SMC3: variants seen among roughly 807,000 people sequenced by gnomAD.
SMC3 encodes structural maintenance of chromosomes 3, also known as structural maintenance of chromosomes protein 3.
In SMC3, 20 loss-of-function variants were observed where a neutral mutation model predicts 171.8. The observed-to-expected ratio is 0.12, with a 90% CI of 0.08 to 0.17. The LOEUF (loss-of-function observed/expected upper bound fraction) is 0.17, where lower values mean the gene tolerates loss of function less well. Among genes scored for constraint, SMC3 ranks in the 10% least tolerant of loss-of-function variants. SMC3 has a pLI of 1.00. For synonymous variants in SMC3, 464 were observed against 451.1 expected, an observed-to-expected ratio of 1.03 and a Z score of -0.36; for missense variants, 543 against 1,420.4, an observed-to-expected ratio of 0.38 and a Z score of 9.93.
At chr10:110,598,118 A>C (rs907965402) in intron 19 of SMC3, 21 bp from the exon 20 acceptor site, 2 of 1,610,836 alleles carry the variant, frequency 1.2e-6, no homozygotes, top group East Asian at 4.5e-5. Context: ...CCTGGAGATA[A>C]TTTTCCTTAG....
chr10:110,576,569 T>C (rs543773270), intron 4 of SMC3, among the ~76,000 whole-genome samples: 1 of 152,336 alleles, frequency 6.6e-6, no homozygotes, highest in African/African-American at 2.4e-5. Context: ...TATTAAAGAC[T>C]AGAAAATGAA....
chr10:110,596,351 T>G (rs78092416), intron 18 of SMC3, 47 bp from the exon 19 acceptor site: 1 of 1,528,742 alleles, frequency 6.5e-7, no homozygotes, highest in African/African-American at 1.4e-5. Context: ...CAATTTATCA[T>G]TGAATAAAAA....
At chr10:110,596,607 G>A in intron 19 of SMC3, 57 bp downstream of exon 19, 1 of 1,527,818 alleles carries the variant, frequency 6.5e-7, no homozygotes, top group Non-Finnish European at 9.0e-7. Flanking sequence ...CTGTGTTTTG[G>A]TTGCCATATA....
At position 110,587,737 on chromosome 10, in the gene SMC3, AAC is replaced by A. The variant is rs762806929; in HGVS notation, c.1306-1864_1306-1863del. ...ATTGTAAGCTGTAATGCTAGTTAAT[AAC>A]ACAACAGTCTGAATTGTTTAGGACT... On this transcript the variant is annotated intron_variant, in intron 13 of 28. Transcript: ENST00000361804. 2.0e-5 allele frequency among the ~76,000 whole-genome samples: 3 copies of A among 152,306 alleles called. No individual in the cohort carries two copies. The South Asian group carries it at 6.2e-4, about 32-fold the overall frequency.
chr10:110,604,111 A>AC (rs944098896), intron 28 of SMC3, 120 bp from the exon 29 acceptor site: 1 of 542,864 alleles, frequency 1.8e-6, no homozygotes, highest in Non-Finnish European at 3.3e-6. Flanking sequence ...AAAAAAAAAA[A>AC]AAAAAACTAA....
At chr10:110,582,193 A>G in intron 9 of SMC3, 95 bp downstream of exon 9, 1 of 1,135,952 alleles carries the variant, frequency 8.8e-7, no homozygotes, top group Non-Finnish European at 1.3e-6. Context: ...AGTGATTTTA[A>G]ATAGAAACTT....
intron 13 of SMC3, among the ~76,000 whole-genome samples, chr10:110,589,315 T>G (rs1861172856): frequency 6.6e-6 from 1 of 152,212 alleles, no homozygotes; most frequent in South Asian, 2.1e-4. Context: ...ATTGTACATA[T>G]TTAGTGTACA....
At chr10:110,604,105 A>AC in intron 28 of SMC3, 126 bp from the exon 29 acceptor site, 1 of 512,050 alleles carries the variant, frequency 2.0e-6, no homozygotes, top group Non-Finnish European at 3.5e-6. Flanking sequence ...AAAAAAAAAA[A>AC]AAAAAAAAAA....
intron 18 of SMC3, among the ~76,000 whole-genome samples, chr10:110,594,817 G>A (rs1861271650): frequency 6.6e-6 from 1 of 152,066 alleles, no homozygotes; most frequent in African/African-American, 2.4e-5. Context: ...ATTTAAGCAT[G>A]CATCTCCTAA....
chr10:110,592,263 CAA>C (rs58488395), intron 17 of SMC3, among the ~76,000 whole-genome samples: 144 of 144,386 alleles, frequency 1.0e-3, no homozygotes, highest in Non-Finnish European at 1.0e-3. Flanking sequence ...GACTCCATCT[CAA>C]AAAAAAAAAA....
chr10:110,594,013 A>G (rs921900062), intron 18 of SMC3, among the ~76,000 whole-genome samples: 4 of 152,128 alleles, frequency 2.6e-5, no homozygotes, highest in Admixed American at 2.0e-4. Flanking sequence ...TTTATTTTCA[A>G]TTATTTTATA....
intron 6 of SMC3, 110 bp downstream of exon 6, chr10:110,578,024 T>A: frequency 1.3e-6 from 1 of 744,740 alleles, no homozygotes; most frequent in Non-Finnish European, 2.4e-6. Context: ...ATGATCCACC[T>A]CGGCTTCCTA....
intron 20 of SMC3, among the ~76,000 whole-genome samples, chr10:110,599,006 C>A (rs11195211): frequency 0.12 from 17,567 of 150,572 alleles, 1,189 homozygotes; most frequent in East Asian, 0.26. Context: ...TTTGACAAAT[C>A]TTTTACTTAG....
intron 17 of SMC3, 138 bp downstream of exon 17, chr10:110,591,270 A>T: frequency 1.1e-6 from 1 of 876,120 alleles, no homozygotes; most frequent in South Asian, 1.6e-5. Flanking sequence ...CTTCCCATGG[A>T]CCTTAGTGCT....
Position 110,567,712 on chromosome 10 carries a change from G to A in SMC3, c.-105G>A, listed in dbSNP as rs536068700. On this transcript the variant is annotated 5_prime_UTR_variant, in exon 1 of 29. Coordinates refer to ENST00000361804, the MANE Select transcript of SMC3 (RefSeq NM_005445.4). ...GCCATTTTGTTTGGCTGAGGGGAGC[G>A]AGCGGCGCTTTGGGGGAGGGGTCGC... 4.0e-5 allele frequency: 56 copies of A among 1,406,354 alleles called. No individual in the cohort carries two copies. The African/African-American group carries it at 7.3e-4, about 18-fold the overall frequency. The allele number at this position is 1,406,354 out of a possible 1,614,324, so 87.1% of individuals were successfully genotyped here.
chr10:110,570,739 CAGTT>C lies in SMC3; in HGVS notation c.91+1731_91+1734del, dbSNP rs533078198. On this transcript the variant is annotated intron_variant, in intron 2 of 28. Transcript: ENST00000361804. The stretch of plus-strand genomic sequence containing the variant: ...CAAATACCATTGTTTTAGCTGTTAT[CAGTT>C]AGTTGTGTTACCTCTGTGATTGCAG... 6.6e-3 allele frequency among the ~76,000 whole-genome samples: 1,008 copies of C among 152,234 alleles called. 5 individuals carry two copies. The highest frequency in any genetic ancestry group is 0.01 in the Non-Finnish European group (712 of 67,996).
At chr10:110,590,596 A>G (rs762093555) in intron 16 of SMC3, 24 bp downstream of exon 16, 1 of 1,609,888 alleles carries the variant, frequency 6.2e-7, no homozygotes, top group Non-Finnish European at 8.5e-7. Flanking sequence ...CTTGATATTT[A>G]GCATTTTTAG....
chr10:110,598,337 A>C lies in SMC3; in HGVS notation c.2268+47A>C, dbSNP rs1438295553. On this transcript the variant is annotated intron_variant, in intron 20 of 28. Transcript: ENST00000361804. ...TATAGATCGATTGTTACAGATTAAT[A>C]ATATGGAAATATGAATCATACATTA... The C allele has an allele frequency of 2.0e-6, 3 of 1,525,440 alleles. No individual in the cohort carries two copies. The African/African-American group carries it at 4.1e-5, about 21-fold the overall frequency. 94.5% of individuals were successfully genotyped at this position (1,525,440 alleles called of 1,614,324 possible).
At chr10:110,600,661 A>T (rs889015649) in intron 22 of SMC3, 115 bp downstream of exon 22, 1 of 710,864 alleles carries the variant, frequency 1.4e-6, no homozygotes, top group Non-Finnish European at 2.5e-6. Context: ...CAGAAAGCTT[A>T]GTGTCTTGTG....
Sources: allele counts gnomAD v4.1 joint callset (sites outside exome capture counted in the v4.1 genomes callset), GRCh38; gene constraint gnomAD v4.1.1; transcripts MANE v1.5; gene names NCBI Gene and HGNC (gene_info 2026-07-23, HGNC 2026-07-21).